DNMT1: variants seen among roughly 807,000 people sequenced by gnomAD.
DNMT1 encodes DNA methyltransferase 1.
In DNMT1, 24 loss-of-function variants were observed where a neutral mutation model predicts 205.3. The ratio of observed to expected loss-of-function variants is 0.12; its 90% CI spans 0.08 to 0.16. The LOEUF is 0.16. DNMT1 is among the 10% of genes least tolerant of loss of function. The pLI, the probability that DNMT1 is intolerant of heterozygous loss-of-function variation, is 1.00. For synonymous variants in DNMT1, 817 were observed against 839.8 expected, an observed-to-expected ratio of 0.97 and a Z score of 0.47; for missense variants, 1,293 against 2,177.7, an observed-to-expected ratio of 0.59 and a Z score of 8.09.
intron 1 of DNMT1, among the ~76,000 whole-genome samples, chr19:10,192,776 A>C (rs894696111): frequency 3.9e-5 from 6 of 152,076 alleles, no homozygotes; most frequent in African/African-American, 1.4e-4. Context: ...TAACTGGTTA[A>C]GAAGTGGTTT....
chr19:10,145,829 T>TC (rs961761578), intron 28 of DNMT1, among the ~76,000 whole-genome samples: 18 of 152,042 alleles, frequency 1.2e-4, no homozygotes, highest in Non-Finnish European at 1.5e-5. Flanking sequence ...AAGTTCTTTT[T>TC]TTTTCTTTTT....
chr19:10,142,606 G>A (rs377075727), intron 29 of DNMT1, among the ~76,000 whole-genome samples: 7 of 140,306 alleles, frequency 5.0e-5, no homozygotes, highest in East Asian at 2.2e-4. Flanking sequence ...TTAGGGAACC[G>A]CCAGGTAATG....
intron 24 of DNMT1, among the ~76,000 whole-genome samples, chr19:10,150,795 G>A (rs1419775394): frequency 1.4e-4 from 22 of 152,132 alleles, no homozygotes; most frequent in Admixed American, 1.4e-3. Context: ...AGCTCTCTTG[G>A]AAACAAGCTA....
chr19:10,154,527 G>C lies in DNMT1; in HGVS notation c.1833-48C>G. On this transcript the variant is annotated intron_variant, in intron 21 of 40. Coordinates refer to ENST00000359526, the MANE Select transcript of DNMT1 (RefSeq NM_001130823.3). This position sits in a 1 kb window ranked among gnomAD's most constrained non-coding sequence, Gnocchi z 6.3. ...TCAGAGGACTGGGACAGAGGATGTG[G>C]GCCATGCTCTACCCTCCCCGGTCTC... 6.2e-7 allele frequency: 1 copy of C among 1,614,042 alleles called. No individual in the cohort carries two copies. Among genetic ancestry groups the C allele is most frequent in the Admixed American group, 1.7e-5 (1 of 60,000 alleles).
intron 22 of DNMT1, among the ~76,000 whole-genome samples, chr19:10,152,850 G>A (rs1474799519): frequency 1.3e-5 from 2 of 151,596 alleles, no homozygotes; most frequent in East Asian, 1.9e-4. Context: ...CTCTAATCCC[G>A]GCAGTTTGGG....
At chr19:10,161,542 A>G (rs2038571028) in intron 13 of DNMT1, among the ~76,000 whole-genome samples, 3 of 151,752 alleles carry the variant, frequency 2.0e-5, no homozygotes, top group Admixed American at 2.0e-4. Context: ...AGCTACCTTG[A>G]AGGCCCAGGT....
intron 9 of DNMT1, among the ~76,000 whole-genome samples, chr19:10,171,846 A>C (rs570463688): frequency 2.7e-5 from 4 of 148,658 alleles, no homozygotes; most frequent in South Asian, 2.1e-4. Context: ...TAAATAAATA[A>C]AAACACAAAA....
At chr19:10,191,463 A>G (rs2039303855) in intron 1 of DNMT1, among the ~76,000 whole-genome samples, 1 of 152,000 alleles carries the variant, frequency 6.6e-6, no homozygotes, top group Non-Finnish European at 1.5e-5. Flanking sequence ...CAATGCCTAC[A>G]GTGAAGCAAT....
intron 25 of DNMT1, 40 bp downstream of exon 25, chr19:10,149,813 A>G (rs367717541): frequency 5.6e-6 from 9 of 1,610,822 alleles, no homozygotes; most frequent in East Asian, 2.2e-5. Flanking sequence ...ACTTGATGAG[A>G]AAGTGCATGC....
chr19:10,134,166 C>T (rs1442697992), intron 40 of DNMT1, 51 bp downstream of exon 40: 5 of 1,597,924 alleles, frequency 3.1e-6, no homozygotes, highest in Admixed American at 3.3e-5. Context: ...CCCACATGTA[C>T]CCCCAGAGGG....
chr19:10,174,868 C>T (rs1174462589), intron 7 of DNMT1, among the ~76,000 whole-genome samples: 2 of 151,432 alleles, frequency 1.3e-5, no homozygotes, highest in African/African-American at 4.9e-5. Flanking sequence ...CCAGCCTGGG[C>T]AACATGGTGA....
chr19:10,170,640 C>G (rs764033803), intron 9 of DNMT1, among the ~76,000 whole-genome samples: 2 of 152,048 alleles, frequency 1.3e-5, no homozygotes, highest in African/African-American at 4.8e-5. Flanking sequence ...AACAAAACTC[C>G]GTCTCAAAAA....
Position 10,146,574 on chromosome 19 carries a change from T to C in DNMT1, c.2721-50A>G, listed in dbSNP as rs1263806852. On this transcript the variant is annotated intron_variant, in intron 27 of 40. Coordinates refer to ENST00000359526, the MANE Select transcript of DNMT1 (RefSeq NM_001130823.3). This position sits in a 1 kb window ranked among gnomAD's most constrained non-coding sequence, Gnocchi z 4.4. ...CATAAGGCCCTGAGGTGGCCGGCAG[T>C]GGCCGCAGCAGCTACTGCCAGCTTA... 3 of 1,610,560 alleles carry C rather than the reference T, an allele frequency of 1.9e-6. No homozygotes were observed. Among genetic ancestry groups the C allele is most frequent in the African/African-American group, 2.7e-5 (2 of 74,970 alleles).
At position 10,146,768 on chromosome 19, in the gene DNMT1, C is replaced by T. The variant is rs534211626; in HGVS notation, c.2721-244G>A. ...ACTTTTGAGTCATTGAGACAAAAACCCTAAGATATCAATGAACAGGGTCTA... is the reference window on the plus strand; with the variant it reads ...ACTTTTGAGTCATTGAGACAAAAACTCTAAGATATCAATGAACAGGGTCTA... On this transcript the variant is annotated intron_variant, in intron 27 of 40. Transcript: ENST00000359526. This position sits in a 1 kb window ranked among gnomAD's most constrained non-coding sequence, Gnocchi z 4.4. 1.3e-5 allele frequency among the ~76,000 whole-genome samples: 2 copies of T among 152,020 alleles called. No individual in the cohort carries two copies. The highest frequency in any genetic ancestry group is 4.8e-5 in the African/African-American group (2 of 41,392).
intron 28 of DNMT1, chr19:10,144,410 AG>A: frequency 3.2e-5 from 7 of 219,528 alleles, no homozygotes; most frequent in South Asian, 1.3e-4. Context: ...TCCATCTCAC[AG>A]AAAAAAAAAA....
At chr19:10,179,385 A>G (rs1224744968) in intron 5 of DNMT1, among the ~76,000 whole-genome samples, 1 of 151,488 alleles carries the variant, frequency 6.6e-6, no homozygotes, top group African/African-American at 2.4e-5. Context: ...GACACCCGCC[A>G]CCACGTCTGG....
At chr19:10,168,005 C>T in intron 10 of DNMT1, among the ~76,000 whole-genome samples, 1 of 152,066 alleles carries the variant, frequency 6.6e-6, no homozygotes, top group African/African-American at 2.4e-5. Flanking sequence ...GGCCCATACT[C>T]CCAGCTACTC....
intron 5 of DNMT1, 123 bp downstream of exon 5, chr19:10,180,064 A>G: frequency 2.2e-6 from 1 of 454,126 alleles, no homozygotes; most frequent in Non-Finnish European, 4.0e-6. Flanking sequence ...CTGTAATCCC[A>G]GCACTTTGGG....
In DNMT1 at chr19:10,138,671, C is replaced by A. The variant is rs1486549898; in HGVS notation, c.3949-66G>T. 6 of 1,556,622 alleles carry A rather than the reference C, an allele frequency of 3.9e-6. No homozygotes were observed. The highest frequency in any genetic ancestry group is 4.3e-6 in the Non-Finnish European group (5 of 1,157,270). On this transcript the variant is annotated intron_variant, in intron 34 of 40. Coordinates refer to ENST00000359526, the MANE Select transcript of DNMT1 (RefSeq NM_001130823.3). The surrounding 1 kb of genome is among the most constrained non-coding windows in gnomAD (Gnocchi z 4.1). ...CACTCCCAACTGGACTGGCCAGACC[C>A]AGGCCCAGGGTCAGCAGCCTGAGTC...
Sources: gnomAD v4.1 joint callset for allele counts (sites outside exome capture counted in the v4.1 genomes callset) on GRCh38, gnomAD v4.1.1 for gene constraint, Gnocchi (gnomAD v3.1) non-coding constraint, MANE v1.5 for transcripts, NCBI Gene and HGNC (gene_info 2026-07-23, HGNC 2026-07-21) for gene names.